The following PLXDC1 variants were observed in gnomAD, a reference collection of about 807,000 sequenced individuals.
PLXDC1 encodes plexin domain-containing protein 1.
PLXDC1 carries 39 observed loss-of-function variants against 61.3 expected under a neutral mutation model. That is an observed-to-expected ratio of 0.64 (90% CI 0.49 to 0.83). The LOEUF (loss-of-function observed/expected upper bound fraction) is 0.83. Ranked by LOEUF, PLXDC1 falls within the 40% of genes least tolerant of loss-of-function variation. The pLI, the probability that PLXDC1 is intolerant of heterozygous loss-of-function variation, is 0.00. For missense variants in PLXDC1, 596 were observed against 666.5 expected (o/e 0.89, Z 1.17); for synonymous variants, 212 against 254.5 (o/e 0.83, Z 1.59).
intron 2 of PLXDC1, among the ~76,000 whole-genome samples, chr17:39,113,882 A>C (rs1347004010): frequency 6.6e-6 from 1 of 151,956 alleles, no homozygotes; most frequent in Non-Finnish European, 1.5e-5. Context: ...TGTAGCAACC[A>C]GCAATGATGT....
rs545509700 is a variant in PLXDC1 at position 39,087,755 on chromosome 17, C to T, written c.812-53G>A. 2.2e-5 allele frequency: 29 copies of T among 1,323,774 alleles called. 1 individual carries two copies. The South Asian group carries it at 2.2e-4, about 10-fold the overall frequency. The allele number at this position is 1,323,774 out of a possible 1,614,324, so 82.0% of individuals were successfully genotyped here. ...GGAGCATATCACAGGCAGAGGGCAT[C>T]GAGGCCTCTTCCCGGACAGTCTGAC... On this transcript the variant is annotated intron_variant, in intron 7 of 13. Transcript: ENST00000315392.
intron 1 of PLXDC1, among the ~76,000 whole-genome samples, chr17:39,150,979 C>G (rs994976706): frequency 6.6e-6 from 1 of 152,164 alleles, no homozygotes; most frequent in Non-Finnish European, 1.5e-5. Context: ...GAAGGCATGG[C>G]TGGGGCAGGG....
rs150647863 is a variant in PLXDC1, at chr17:39,082,123, C to A, written c.989+1336G>T. ...ACCTGATGGGCACACCCCATCCCCT[C>A]TGGGCCCAGAGCTGTGTCCTGTGTG... On this transcript the variant is annotated intron_variant, in intron 9 of 13. Coordinates refer to ENST00000315392, the MANE Select transcript of PLXDC1 (RefSeq NM_020405.5). 3.9e-3 allele frequency among the ~76,000 whole-genome samples: 590 copies of A among 152,328 alleles called. 3 individuals carry two copies. Among genetic ancestry groups the A allele is most frequent in the East Asian group, 6.6e-3 (34 of 5,188 alleles).
chr17:39,095,385 C>CCG, intron 7 of PLXDC1, among the ~76,000 whole-genome samples: 1 of 80,152 alleles, frequency 1.2e-5, no homozygotes, highest in African/African-American at 4.4e-5. Flanking sequence ...CCCCCAACCC[C>CCG]CCAAGCCTGG....
rs35762241 is a variant in PLXDC1, at chr17:39,135,676, T to TA, written c.255+3977dup. Among the ~76,000 whole-genome samples, 225 of 104,310 alleles carry TA rather than the reference T, an allele frequency of 2.2e-3. 1 individual carries two copies. The highest frequency in any genetic ancestry group is 3.6e-3 in the East Asian group (14 of 3,942). 68.4% of individuals were successfully genotyped at this position (104,310 alleles called of 152,430 possible). ...CTGGGCAACTGAGCAACACTCCGTC[T>TA]AAAAAAAAAAAAAAAAAAAAGTTCC... On this transcript the variant is annotated intron_variant, in intron 2 of 13. Coordinates refer to ENST00000315392, the MANE Select transcript of PLXDC1 (RefSeq NM_020405.5).
At chr17:39,109,089 G>T in intron 3 of PLXDC1, 116 bp from the exon 4 acceptor site, 1 of 1,256,922 alleles carries the variant, frequency 8.0e-7, no homozygotes, top group Non-Finnish European at 1.1e-6. Context: ...CAGGGCCACT[G>T]CTGGGCACCC....
intron 2 of PLXDC1, among the ~76,000 whole-genome samples, chr17:39,128,321 G>C (rs1032442879): frequency 9.3e-5 from 14 of 151,078 alleles, no homozygotes; most frequent in Non-Finnish European, 1.2e-4. Context: ...GGGTTCAAGC[G>C]ATTCTCCTGC....
At chr17:39,077,694 T>C (rs2143327350) in intron 11 of PLXDC1, among the ~76,000 whole-genome samples, 1 of 152,324 alleles carries the variant, frequency 6.6e-6, no homozygotes, top group South Asian at 2.1e-4. Flanking sequence ...GTACAGTGGT[T>C]AGAGCCCAGG....
At chr17:39,087,031 T>C (rs1388963251) in intron 8 of PLXDC1, among the ~76,000 whole-genome samples, 1 of 152,152 alleles carries the variant, frequency 6.6e-6, no homozygotes, top group Non-Finnish European at 1.5e-5. Context: ...GTCTCAGCTG[T>C]CCCAGCCCCA....
rs369458490 is a variant in PLXDC1 at position 39,122,211 on chromosome 17, G to A, written c.256-12820C>T. Reference sequence around the variant, plus strand: ...TGAAGTCAGGAGTTTGAGACCAGCCGGGCCAACATGTTGAAACCCCGTCTC... The same window carrying A: ...TGAAGTCAGGAGTTTGAGACCAGCCAGGCCAACATGTTGAAACCCCGTCTC... On this transcript the variant is annotated intron_variant, in intron 2 of 13. Coordinates refer to ENST00000315392, the MANE Select transcript of PLXDC1 (RefSeq NM_020405.5). Among the ~76,000 whole-genome samples the A allele has an allele frequency of 2.6e-3, 393 of 150,452 alleles. 1 individual carries two copies. The highest frequency in any genetic ancestry group is 9.2e-3 in the African/African-American group (378 of 40,990).
chr17:39,116,473 C>T (rs1910969055), intron 2 of PLXDC1, among the ~76,000 whole-genome samples: 1 of 152,194 alleles, frequency 6.6e-6, no homozygotes. Flanking sequence ...TGCAGTGTGG[C>T]TCTGACAAGG....
chr17:39,072,569 C>T, intron 11 of PLXDC1, 84 bp from the exon 12 acceptor site: 2 of 894,776 alleles, frequency 2.2e-6, no homozygotes. Flanking sequence ...GATGAAAGTT[C>T]AGCCCAAACT....
At chr17:39,120,508 C>T (rs1269017062) in intron 2 of PLXDC1, among the ~76,000 whole-genome samples, 1 of 152,086 alleles carries the variant, frequency 6.6e-6, no homozygotes, top group Non-Finnish European at 1.5e-5. Flanking sequence ...CGATACATGG[C>T]ATGATATGAT....
At chr17:39,089,711 C>T (rs981960941) in intron 7 of PLXDC1, among the ~76,000 whole-genome samples, 2 of 152,170 alleles carry the variant, frequency 1.3e-5, no homozygotes, top group African/African-American at 4.8e-5. Context: ...GGTGGGCGTC[C>T]CGTGCCACTG....
At chr17:39,112,324 A>G (rs2143713120) in intron 2 of PLXDC1, 1 of 152,408 alleles carries the variant, frequency 6.6e-6, no homozygotes, top group Admixed American at 6.5e-5. Flanking sequence ...CCACGGCCGT[A>G]GCTACAGCCT....
chr17:39,102,590 C>A (rs558861380), intron 7 of PLXDC1, among the ~76,000 whole-genome samples: 25 of 152,258 alleles, frequency 1.6e-4, no homozygotes, highest in Middle Eastern at 6.8e-3. Context: ...ATGGAATGGA[C>A]TATCAGGCAG....
intron 2 of PLXDC1, among the ~76,000 whole-genome samples, chr17:39,134,342 T>C (rs1911665443): frequency 2.0e-5 from 3 of 151,436 alleles, no homozygotes; most frequent in Admixed American, 2.0e-4. Context: ...AACCACCACA[T>C]TGGCGGGGTG....
At chr17:39,118,994 GA>G (rs1396865228) in intron 2 of PLXDC1, among the ~76,000 whole-genome samples, 3 of 152,206 alleles carry the variant, frequency 2.0e-5, no homozygotes, top group Non-Finnish European at 4.4e-5. Flanking sequence ...CCACAGAAAG[GA>G]AAGGCAGACC....
intron 1 of PLXDC1, among the ~76,000 whole-genome samples, chr17:39,143,499 C>T (rs1363988379): frequency 6.6e-6 from 1 of 152,218 alleles, no homozygotes; most frequent in Non-Finnish European, 1.5e-5. Context: ...GCATGTCCAG[C>T]AAACAGCAGG....
Sources: allele counts gnomAD v4.1 joint callset (sites outside exome capture counted in the v4.1 genomes callset), GRCh38; gene constraint gnomAD v4.1.1; transcripts MANE v1.5; gene names NCBI Gene and HGNC (gene_info 2026-07-23, HGNC 2026-07-21).